Variants in CNTRL observed in about 807,000 individuals in gnomAD.
CNTRL encodes 110 kDa centrosomal protein.
Under a neutral mutation model 303.7 loss-of-function variants are expected in CNTRL, and 233 were observed. The ratio of observed to expected loss-of-function variants is 0.77; its 90% confidence interval spans 0.69 to 0.86. The LOEUF (loss-of-function observed/expected upper bound fraction) is 0.86, where lower values mean the gene tolerates loss of function less well. CNTRL is among the 40% of genes least tolerant of loss of function. The pLI, the probability that CNTRL is intolerant of heterozygous loss-of-function variation, is 0.00. For missense variants in CNTRL, 2,524 were observed against 2,650.6 expected (o/e 0.95, Z 1.05); for synonymous variants, 900 against 922.2 (o/e 0.98, Z 0.44).
chr9:121,177,273 A>G lies in CNTRL; in HGVS notation c.*87A>G, dbSNP rs914622325. 7 of 1,142,072 alleles carry G rather than the reference A, an allele frequency of 6.1e-6. No individual in the cohort carries two copies. The African/African-American group carries it at 1.1e-4, about 18-fold the overall frequency. 70.7% of individuals were successfully genotyped at this position (1,142,072 alleles called of 1,614,324 possible). A position where few individuals can be genotyped will look rare whatever the true frequency, so the allele number is the denominator to read the frequency against. ...AATTGGAATGTCACATGGTTTTTTT[A>G]ATCAAGATGCAGTGAACTGAGATTC... is the stretch of plus-strand genomic sequence containing the variant. On this transcript the variant is annotated 3_prime_UTR_variant, in exon 44 of 44. Transcript: ENST00000373855.
chr9:121,084,608 G>A (rs566276339), intron 2 of CNTRL, among the ~76,000 whole-genome samples: 4 of 151,252 alleles, frequency 2.6e-5, no homozygotes, highest in Non-Finnish European at 5.9e-5. Flanking sequence ...GCAGTGGCGC[G>A]ATCTTGGCTC....
At position 121,153,120 on chromosome 9, in the gene CNTRL, G is replaced by T. The variant is rs1008885242; in HGVS notation, c.4172+427G>T. Reference sequence around the variant, plus strand: ...ACTGCATCCAGAGAGCTCTCAAACTGGTCCCTTTCTGTCATCTCCCCTTCT... The same window carrying T: ...ACTGCATCCAGAGAGCTCTCAAACTTGTCCCTTTCTGTCATCTCCCCTTCT... On this transcript the variant is annotated intron_variant, in intron 26 of 43. Coordinates refer to ENST00000373855, the MANE Select transcript of CNTRL (RefSeq NM_007018.6). Among the ~76,000 whole-genome samples the T allele has an allele frequency of 4.6e-5, 7 of 152,100 alleles. No homozygotes were observed. The East Asian group carries it at 7.7e-4, about 17-fold the overall frequency.
intron 27 of CNTRL, among the ~76,000 whole-genome samples, chr9:121,156,820 ATGTTTG>A (rs796703968): frequency 9.2e-5 from 14 of 152,320 alleles, no homozygotes; most frequent in African/African-American, 3.4e-4. Context: ...AAAGTATTTA[ATGTTTG>A]TGTTTGTCAG....
intron 14 of CNTRL, among the ~76,000 whole-genome samples, chr9:121,131,691 A>G (rs1160245428): frequency 1.3e-5 from 2 of 152,100 alleles, no homozygotes; most frequent in Non-Finnish European, 2.9e-5. Context: ...CTAGCTGGTT[A>G]TTTTGTCCGT....
chr9:121,112,884 C>G lies in CNTRL; in HGVS notation c.1122+306C>G, dbSNP rs115297878. ...ATGGGTTGATCAGCTCCTTTAAATC[C>G]AGACTTCTGGGAAAAGTGCTTCAGT... On this transcript the variant is annotated intron_variant, in intron 9 of 43. Coordinates refer to ENST00000373855, the MANE Select transcript of CNTRL (RefSeq NM_007018.6). Among the ~76,000 whole-genome samples, 203 of 152,218 alleles carry G rather than the reference C, an allele frequency of 1.3e-3. 2 individuals carry two copies. Among genetic ancestry groups the G allele is most frequent in the African/African-American group, 4.5e-3 (186 of 41,552 alleles).
intron 35 of CNTRL, 133 bp downstream of exon 35, chr9:121,165,233 G>A (rs2053039357): frequency 1.2e-6 from 1 of 844,544 alleles, no homozygotes; most frequent in South Asian, 2.1e-5. Context: ...GGTAATGTTT[G>A]CACAACTTGG....
intron 2 of CNTRL, among the ~76,000 whole-genome samples, chr9:121,083,860 T>C (rs754376758): frequency 2.6e-5 from 4 of 152,232 alleles, no homozygotes; most frequent in African/African-American, 7.2e-5. Flanking sequence ...TTTTCAGCTT[T>C]ATTATAATCT....
chr9:121,132,313 G>A (rs532137723), intron 14 of CNTRL, among the ~76,000 whole-genome samples: 2 of 152,200 alleles, frequency 1.3e-5, no homozygotes, highest in South Asian at 2.1e-4. Flanking sequence ...CATATTTCTT[G>A]GAGGCTTTGT....
At chr9:121,132,030 G>A (rs1588199184) in intron 14 of CNTRL, among the ~76,000 whole-genome samples, 1 of 152,310 alleles carries the variant, frequency 6.6e-6, no homozygotes, top group African/African-American at 2.4e-5. Context: ...CCCTTTGTGG[G>A]TAACCCAGCC....
intron 7 of CNTRL, among the ~76,000 whole-genome samples, chr9:121,099,899 T>C (rs2049066861): frequency 6.6e-6 from 1 of 152,024 alleles, no homozygotes. Flanking sequence ...CTAAGAAATA[T>C]GGGACTATGT....
At chr9:121,150,570 T>C (rs2052172175) in intron 25 of CNTRL, 87 bp downstream of exon 25, 1 of 1,246,296 alleles carries the variant, frequency 8.0e-7, no homozygotes, top group Admixed American at 2.0e-5. Context: ...GACCTATTTA[T>C]GACTGGATTA....
At position 121,146,365 on chromosome 9, in the gene CNTRL, C is replaced by T. The variant is rs1361008368; in HGVS notation, c.3459+109C>T. ...AGGTACCAAAAACAACATTTCTATG[C>T]TAAGCCGTGCATTGAGGTTCTGTAG... On this transcript the variant is annotated intron_variant, in intron 23 of 43. Coordinates refer to ENST00000373855, the MANE Select transcript of CNTRL (RefSeq NM_007018.6). 6.3e-6 allele frequency: 7 copies of T among 1,116,112 alleles called. No individual in the cohort carries two copies. In the East Asian group the frequency reaches 1.7e-4, roughly 28 times the overall value. 69.1% of individuals were successfully genotyped at this position (1,116,112 alleles called of 1,614,324 possible).
intron 12 of CNTRL, among the ~76,000 whole-genome samples, chr9:121,122,221 A>G (rs992522825): frequency 3.9e-5 from 6 of 152,266 alleles, no homozygotes; most frequent in Non-Finnish European, 8.8e-5. Context: ...TTCTTGAGCC[A>G]TAAAAACCCG....
chr9:121,168,256 G>T lies in CNTRL; in HGVS notation c.6005G>T (p.Arg2002Leu). ...VLSKVLAAEE[R>L]VRTLQEEERW... Reference sequence around the variant, plus strand: ...TCAAAGGTGCTGGCAGCTGAAGAGCGTGTTAGGACTCTGCAGGAAGAGGAG... The same window carrying T: ...TCAAAGGTGCTGGCAGCTGAAGAGCTTGTTAGGACTCTGCAGGAAGAGGAG... Residue 2002 changes from arginine to leucine, a missense_variant, in exon 38 of 44, where the codon CGT becomes CTT. Physicochemically the swap from Arg to Leu is moderately radical, Grantham distance 102. Transcript: ENST00000373855. 6.2e-7 allele frequency: 1 copy of T among 1,614,200 alleles called. No homozygotes were observed. The highest frequency in any genetic ancestry group is 8.5e-7 in the Non-Finnish European group (1 of 1,180,032).
At chr9:121,140,498 T>TA (rs1276507392) in intron 16 of CNTRL, 143 bp from the exon 17 acceptor site, 4 of 632,538 alleles carry the variant, frequency 6.3e-6, no homozygotes, top group African/African-American at 1.9e-5. Context: ...AGATTAATCA[T>TA]ACGGAAATTT....
At chr9:121,123,514 G>A (rs2133440307) in intron 12 of CNTRL, among the ~76,000 whole-genome samples, 1 of 152,274 alleles carries the variant, frequency 6.6e-6, no homozygotes. Flanking sequence ...CAGGAGAATT[G>A]CTTGAACCCA....
intron 23 of CNTRL, among the ~76,000 whole-genome samples, chr9:121,146,732 C>T (rs1039588321): frequency 6.6e-6 from 1 of 152,126 alleles, no homozygotes; most frequent in Non-Finnish European, 1.5e-5. Context: ...TGGTGACATA[C>T]CTATGACAAC....
chr9:121,075,293 G>A (rs561631900), intron 1 of CNTRL, among the ~76,000 whole-genome samples: 1 of 152,356 alleles, frequency 6.6e-6, no homozygotes, highest in Admixed American at 6.5e-5. Context: ...GGAAGAGGTG[G>A]GGACGGCGGG....
intron 1 of CNTRL, 87 bp downstream of exon 1, chr9:121,075,154 G>C (rs2131877669): frequency 2.8e-6 from 1 of 351,528 alleles, no homozygotes; most frequent in South Asian, 2.1e-5. Flanking sequence ...GCCCGGACCG[G>C]GCGTGGTGTG....
Sources: gnomAD v4.1 joint callset for allele counts (sites outside exome capture counted in the v4.1 genomes callset) on GRCh38, gnomAD v4.1.1 for gene constraint, MANE v1.5 for transcripts, NCBI Gene and HGNC (gene_info 2026-07-23, HGNC 2026-07-21) for gene names.